The following PRR30 variants were observed in gnomAD, a reference collection of about 807,000 sequenced individuals.
PRR30 encodes proline-rich protein 30.
For missense variants in PRR30, 546 were observed against 525.3 expected (o/e 1.04, Z -0.39); for synonymous variants, 229 against 222.7 (o/e 1.03, Z -0.25).
Position 27,136,880 on chromosome 2 carries a change from AG to A in PRR30, c.*210del, listed in dbSNP as rs1225478120. 4.6e-6 allele frequency: 3 copies of A among 653,304 alleles called. No individual in the cohort carries two copies. The African/African-American group carries it at 5.5e-5, about 12-fold the overall frequency. The allele number at this position is 653,304 out of a possible 1,614,324, so 40.5% of individuals were successfully genotyped here. ...GGGTCAGACTTTATTAGATACACGG[AG>A]GGCTGAATGGGGCCTTGGTGCCCTT... On this transcript the variant is annotated 3_prime_UTR_variant, in exon 3 of 3. Coordinates refer to ENST00000335524, the MANE Select transcript of PRR30 (RefSeq NM_178553.4).
chr2:27,137,493 T>C lies in PRR30; in HGVS notation c.837A>G (p.Gln279=). 3.1e-6 allele frequency: 5 copies of C among 1,601,738 alleles called. No individual in the cohort carries two copies. The highest frequency in any genetic ancestry group is 3.4e-6 in the Non-Finnish European group (4 of 1,173,416). ...RTGPRLLAFP[Q]LLPCVQGQES... ...CCTGGCCCTGCACACAGGGCAGTAG[T>C]TGAGGGAAAGCAAGCAGCCGGGGTC... The change falls in exon 3 of 3, where the codon CAA becomes CAG. Residue 279 remains glutamine (Q), a synonymous_variant. Transcript: ENST00000335524. This position sits in a 1 kb window ranked among gnomAD's most constrained non-coding sequence, Gnocchi z 4.3.
Position 27,137,862 on chromosome 2 carries a change from T to C in PRR30, c.468A>G (p.Thr156=). The C allele has an allele frequency of 6.3e-7, 1 of 1,595,314 alleles. No individual in the cohort carries two copies. The change falls in exon 3 of 3, where the codon ACA becomes ACG. Residue 156 remains threonine, a synonymous_variant. Transcript: ENST00000335524. This position sits in a 1 kb window ranked among gnomAD's most constrained non-coding sequence, Gnocchi z 4.3. ...GTGGGCTGGGGCCTGGGGAAGTGAG[T>C]GTGGAGCTATGCAGTTCCTCGGGGT... The part of the protein sequence containing the change: ...PSHPEELHSS[T]LTSPGPSPPS...
At position 27,137,570 on chromosome 2, in the gene PRR30, C is replaced by T. The variant is rs897394646; in HGVS notation, c.760G>A (p.Val254Met). 7 of 1,594,808 alleles carry T rather than the reference C, an allele frequency of 4.4e-6. No homozygotes were observed. Among genetic ancestry groups the T allele is most frequent in the Non-Finnish European group, 6.0e-6 (7 of 1,169,628 alleles). ...GAGGGGCTGCGGGGCCGGAGGCACA[C>T]CAGGCATATAGGATACTCCACGACT... ...APVVEYPICLVCLRPRSPSCP... is the reference protein window; with the variant it reads ...APVVEYPICLMCLRPRSPSCP... The change falls in exon 3 of 3, where the codon GTG (valine) becomes ATG (methionine). Residue 254 changes from valine to methionine, a missense_variant. Coordinates refer to ENST00000335524, the MANE Select transcript of PRR30 (RefSeq NM_178553.4). The surrounding 1 kb of genome is among the most constrained non-coding windows in gnomAD (Gnocchi z 4.3).
rs532765596 is a variant in PRR30, at chr2:27,137,377, G to C, written c.953C>G (p.Pro318Arg). The change falls in exon 3 of 3, where the codon CCG becomes CGG. Residue 318 changes from proline to arginine, a missense_variant. Pro to Arg is a moderately radical substitution (Grantham distance 103). Coordinates refer to ENST00000335524, the MANE Select transcript of PRR30 (RefSeq NM_178553.4). This position sits in a 1 kb window ranked among gnomAD's most constrained non-coding sequence, Gnocchi z 4.3. The stretch of plus-strand genomic sequence containing the variant: ...CTTGCCCTGAGGCCCTGCTTCCTTC[G>C]GCCTTTTCTCGGGCAGCAGATGCAA... ...RALHLLPEKRPKEAGPQGKAT... is the reference protein window; with the variant it reads ...RALHLLPEKRRKEAGPQGKAT... 4.6e-5 allele frequency: 74 copies of C among 1,613,900 alleles called. No homozygotes were observed. The highest frequency in any genetic ancestry group is 5.9e-5 in the Non-Finnish European group (70 of 1,180,040).
chr2:27,137,507 GCAGCCGGGGTC>G lies in PRR30; in HGVS notation c.812_822del (p.Gly271AlafsTer198), dbSNP rs1672535426. 6.3e-7 allele frequency: 1 copy of G among 1,597,058 alleles called. No individual in the cohort carries two copies. Among genetic ancestry groups the G allele is most frequent in the Non-Finnish European group, 8.5e-7 (1 of 1,171,154 alleles). On this transcript the variant is annotated frameshift_variant, in exon 3 of 3. Coordinates refer to ENST00000335524, the MANE Select transcript of PRR30 (RefSeq NM_178553.4). LOFTEE classifies it low-confidence loss of function (END_TRUNC). The surrounding 1 kb of genome is among the most constrained non-coding windows in gnomAD (Gnocchi z 4.3). ...CAGGGCAGTAGTTGAGGGAAAGCAA[GCAGCCGGGGTC>G]CAGTCCTGTACCTGGGGAGGGGGCA...
rs370150168 is a variant in PRR30, at chr2:27,139,324, A to T, written c.-440T>A. 5 of 152,508 alleles carry T rather than the reference A, an allele frequency of 3.3e-5. No homozygotes were observed. In the East Asian group the frequency reaches 5.6e-4, roughly 17 times the overall value. The allele number at this position is 152,508 out of a possible 1,614,324, so 9.4% of individuals were successfully genotyped here. On this transcript the variant is annotated 5_prime_UTR_variant, in exon 1 of 3. Coordinates refer to ENST00000335524, the MANE Select transcript of PRR30 (RefSeq NM_178553.4). Reference sequence around the variant, plus strand: ...ATACCTTATTATACCCAGCAGCAGAAGGAATGGGGCCAGCTGGTAAAAGCC... The same window carrying T: ...ATACCTTATTATACCCAGCAGCAGATGGAATGGGGCCAGCTGGTAAAAGCC...
At position 27,136,941 on chromosome 2, in the gene PRR30, A is replaced by G; in HGVS notation, c.*150T>C. On this transcript the variant is annotated 3_prime_UTR_variant, in exon 3 of 3. Coordinates refer to ENST00000335524, the MANE Select transcript of PRR30 (RefSeq NM_178553.4). ...CAGCCTGGAGACAGCAGACTCCACA[A>G]GGGGCTCCCAGGGTTCAGAGCAGGA... The G allele has an allele frequency of 1.8e-6, 2 of 1,126,442 alleles. No homozygotes were observed. The highest frequency in any genetic ancestry group is 2.6e-5 in the East Asian group (1 of 38,802). The allele number at this position is 1,126,442 out of a possible 1,614,324, so 69.8% of individuals were successfully genotyped here. A position where few individuals can be genotyped will look rare whatever the true frequency, so the allele number is the denominator to read the frequency against.
chr2:27,138,165 C>T lies in PRR30; in HGVS notation c.165G>A (p.Gln55=). The change falls in exon 3 of 3, where the codon CAG becomes CAA. Residue 55 remains glutamine (Q), a synonymous_variant. Coordinates refer to ENST00000335524, the MANE Select transcript of PRR30 (RefSeq NM_178553.4). ...PPSQPPFSST[Q]SRRPSSPPPA... Reference sequence around the variant, plus strand: ...GTGGAGGGGAGGAGGGACGACGGGACTGAGTGGAAGAGAACGGTGGTTGAG... The same window carrying T: ...GTGGAGGGGAGGAGGGACGACGGGATTGAGTGGAAGAGAACGGTGGTTGAG... The T allele has an allele frequency of 6.2e-7, 1 of 1,613,652 alleles. No individual in the cohort carries two copies. The highest frequency in any genetic ancestry group is 8.5e-7 in the Non-Finnish European group (1 of 1,179,872).
At position 27,137,980 on chromosome 2, in the gene PRR30, C is replaced by T. The variant is rs1426158700; in HGVS notation, c.350G>A (p.Trp117Ter). 6.2e-7 allele frequency: 1 copy of T among 1,611,006 alleles called. No homozygotes were observed. Among genetic ancestry groups the T allele is most frequent in the Non-Finnish European group, 8.5e-7 (1 of 1,178,778 alleles). The change falls in exon 3 of 3, where the codon TGG (tryptophan) becomes TAG (stop). Residue 117 changes from tryptophan (W) to a stop codon, truncating the protein, a stop_gained. Transcript: ENST00000335524. LOFTEE classifies it low-confidence loss of function (END_TRUNC). This position sits in a 1 kb window ranked among gnomAD's most constrained non-coding sequence, Gnocchi z 4.3. The part of the protein sequence containing the change: ...RPRASSPSNH[W>*]LYPSPPLTPS... ...GGTCAGAGGGGGAGAGGGGTACAGCCAGTGGTTGGAGGGAGAGGATGCACG... is the reference window on the plus strand; with the variant it reads ...GGTCAGAGGGGGAGAGGGGTACAGCTAGTGGTTGGAGGGAGAGGATGCACG...
At position 27,138,085 on chromosome 2, in the gene PRR30, A is replaced by C; in HGVS notation, c.245T>G (p.Phe82Cys). Reference sequence around the variant, plus strand: ...AGAGGGAGAATAGGGATGTGGAGCAAAGTCAGAATTTGAGTCACAAGAGCC... The same window carrying C: ...AGAGGGAGAATAGGGATGTGGAGCACAGTCAGAATTTGAGTCACAAGAGCC... The part of the protein sequence containing the change: ...QFGSCDSNSD[F>C]APHPYSPSLP... Residue 82 changes from phenylalanine to cysteine, a missense_variant, in exon 3 of 3, where the codon TTT (phenylalanine) becomes TGT (cysteine). Physicochemically the swap from Phe to Cys is radical, Grantham distance 205 (BLOSUM62 -2). Coordinates refer to ENST00000335524, the MANE Select transcript of PRR30 (RefSeq NM_178553.4). 1 of 1,613,982 alleles carries C rather than the reference A, an allele frequency of 6.2e-7. No individual in the cohort carries two copies. Among genetic ancestry groups the C allele is most frequent in the African/African-American group, 1.3e-5 (1 of 74,988 alleles).
rs1415539987 is a variant in PRR30, at chr2:27,137,320, G to A, written c.1010C>T (p.Ala337Val). The A allele has an allele frequency of 6.2e-7, 1 of 1,614,104 alleles. No homozygotes were observed. Among genetic ancestry groups the A allele is most frequent in the Admixed American group, 1.7e-5 (1 of 60,004 alleles). The part of the protein sequence containing the change: ...ATQACGHQLP[A>V]SQPPAAQARA... Reference sequence around the variant, plus strand: ...GGCCTGAGCTGCTGGAGGCTGAGATGCTGGCAATTGATGCCCACAGGCCTG... The same window carrying A: ...GGCCTGAGCTGCTGGAGGCTGAGATACTGGCAATTGATGCCCACAGGCCTG... The change falls in exon 3 of 3, where the codon GCA (alanine) becomes GTA (valine). Residue 337 changes from alanine (A) to valine (V), a missense_variant. Ala to Val is a moderately conservative substitution (Grantham distance 64, BLOSUM62 0). Transcript: ENST00000335524. This position sits in a 1 kb window ranked among gnomAD's most constrained non-coding sequence, Gnocchi z 4.3.
In PRR30 at chr2:27,137,295, G is replaced by T; in HGVS notation, c.1035C>A (p.Ala345=). 6.2e-7 allele frequency: 1 copy of T among 1,614,220 alleles called. No homozygotes were observed. Among genetic ancestry groups the T allele is most frequent in the Non-Finnish European group, 8.5e-7 (1 of 1,180,042 alleles). ...LPASQPPAAQ[A]RADPVPGTPS... is the part of the protein sequence containing the mutation. ...GTGTGCCTGGGACTGGGTCGGCCCG[G>T]GCCTGAGCTGCTGGAGGCTGAGATG... The change falls in exon 3 of 3, where the codon GCC becomes GCA. Residue 345 remains alanine, a synonymous_variant. Coordinates refer to ENST00000335524, the MANE Select transcript of PRR30 (RefSeq NM_178553.4). This position sits in a 1 kb window ranked among gnomAD's most constrained non-coding sequence, Gnocchi z 4.3.
intron 1 of PRR30, 101 bp downstream of exon 1, chr2:27,139,202 G>A (rs1391902275): frequency 6.6e-6 from 1 of 152,476 alleles, no homozygotes; most frequent in African/African-American, 2.4e-5. Flanking sequence ...TGATTCGGGG[G>A]TTCTGCAAGC....
In PRR30 at chr2:27,137,230, G is replaced by A. The variant is rs957112679; in HGVS notation, c.1100C>T (p.Ser367Leu). 5 of 1,614,236 alleles carry A rather than the reference G, an allele frequency of 3.1e-6. No homozygotes were observed. Among genetic ancestry groups the A allele is most frequent in the Non-Finnish European group, 4.2e-6 (5 of 1,180,038 alleles). Residue 367 changes from serine to leucine, a missense_variant, in exon 3 of 3, where the codon TCA (serine) becomes TTA (leucine). Physicochemically the swap from Ser to Leu is moderately radical, Grantham distance 145 (BLOSUM62 -2). Transcript: ENST00000335524. This position sits in a 1 kb window ranked among gnomAD's most constrained non-coding sequence, Gnocchi z 4.3. ...TRSFRSAGLQ[S>L]PNSPRCFSGP... ...GGAGAAACATCGTGGGGAGTTTGGT[G>A]ATTGAAGGCCTGCAGACCTGAAGCT... is the stretch of plus-strand genomic sequence containing the variant.
At position 27,137,873 on chromosome 2, in the gene PRR30, G is replaced by A. The variant is rs1672544017; in HGVS notation, c.457C>T (p.His153Tyr). 1.3e-6 allele frequency: 2 copies of A among 1,598,552 alleles called. No individual in the cohort carries two copies. Among genetic ancestry groups the A allele is most frequent in the South Asian group, 1.1e-5 (1 of 88,306 alleles). The change falls in exon 3 of 3, where the codon CAT (histidine) becomes TAT (tyrosine). Residue 153 changes from histidine (H) to tyrosine (Y), a missense_variant. Physicochemically the swap from His to Tyr is moderately conservative, Grantham distance 83. Coordinates refer to ENST00000335524, the MANE Select transcript of PRR30 (RefSeq NM_178553.4). This position sits in a 1 kb window ranked among gnomAD's most constrained non-coding sequence, Gnocchi z 4.3. The part of the protein sequence containing the change: ...CQSPSHPEEL[H>Y]SSTLTSPGPS... ...CCTGGGGAAGTGAGTGTGGAGCTAT[G>A]CAGTTCCTCGGGGTGGGAAGGGGAC...
Position 27,138,550 on chromosome 2 carries a change from G to T in PRR30, c.-221C>A, listed in dbSNP as rs62128708. The T allele has an allele frequency of 0.068, 54,530 of 799,820 alleles. 2,147 individuals are homozygous for T. Among genetic ancestry groups the T allele is most frequent in the Middle Eastern group, 0.098 (253 of 2,578 alleles). The allele number at this position is 799,820 out of a possible 1,614,324, so 49.5% of individuals were successfully genotyped here. On this transcript the variant is annotated 5_prime_UTR_variant, in exon 3 of 3. Coordinates refer to ENST00000335524, the MANE Select transcript of PRR30 (RefSeq NM_178553.4). ...TCTCAGGGTGTTCAGGCATGAGCAT[G>T]AATCTAAGCTTGGCTTCTCACTTCT...
chr2:27,137,392 A>T lies in PRR30; in HGVS notation c.938T>A (p.Leu313Gln). The change falls in exon 3 of 3, where the codon CTG (leucine) becomes CAG (glutamine). Residue 313 changes from leucine to glutamine, a missense_variant. By Grantham distance (113) the Leu-to-Gln change is moderately radical. Transcript: ENST00000335524. The surrounding 1 kb of genome is among the most constrained non-coding windows in gnomAD (Gnocchi z 4.3). ...PQGQARALHL[L>Q]PEKRPKEAGP... is the part of the protein sequence containing the mutation. ...TGCTTCCTTCGGCCTTTTCTCGGGC[A>T]GCAGATGCAAGGCCCTGGCCTGGCC... 6.2e-7 allele frequency: 1 copy of T among 1,613,854 alleles called. No individual in the cohort carries two copies. Among genetic ancestry groups the T allele is most frequent in the East Asian group, 2.2e-5 (1 of 44,880 alleles).
In PRR30 at chr2:27,138,376, G is replaced by A; in HGVS notation, c.-47C>T. 3.2e-6 allele frequency: 5 copies of A among 1,541,976 alleles called. No homozygotes were observed. Among genetic ancestry groups the A allele is most frequent in the Non-Finnish European group, 4.4e-6 (5 of 1,146,552 alleles). ...TGGGGCAACAAGACTAGGGATAAGAGACCTGGCAGAGTCAGGACCAGTATC... is the reference window on the plus strand; with the variant it reads ...TGGGGCAACAAGACTAGGGATAAGAAACCTGGCAGAGTCAGGACCAGTATC... On this transcript the variant is annotated 5_prime_UTR_variant, in exon 3 of 3. Coordinates refer to ENST00000335524, the MANE Select transcript of PRR30 (RefSeq NM_178553.4).
In PRR30 at chr2:27,136,872, A is replaced by C. The variant is rs1485772222; in HGVS notation, c.*219T>G. ...GTTTCACAGGGTCAGACTTTATTAG[A>C]TACACGGAGGGCTGAATGGGGCCTT... On this transcript the variant is annotated 3_prime_UTR_variant, in exon 3 of 3. Transcript: ENST00000335524. 1.6e-6 allele frequency: 1 copy of C among 639,120 alleles called. No homozygotes were observed. The highest frequency in any genetic ancestry group is 1.8e-5 in the African/African-American group (1 of 54,544). The allele number at this position is 639,120 out of a possible 1,614,324, so 39.6% of individuals were successfully genotyped here.
Sources: gnomAD v4.1 joint callset for allele counts on GRCh38, gnomAD v4.1.1 for gene constraint, Gnocchi (gnomAD v3.1) non-coding constraint, MANE v1.5 for transcripts, NCBI Gene and HGNC (gene_info 2026-07-23, HGNC 2026-07-21) for gene names.